The following IMPACT variants were observed in gnomAD, a reference collection of about 807,000 sequenced individuals.
IMPACT encodes protein IMPACT.
In IMPACT, 35 loss-of-function variants were observed where a neutral mutation model predicts 47.5. The ratio of observed to expected loss-of-function variants is 0.74; its 90% CI spans 0.56 to 0.98. IMPACT has a LOEUF of 0.98. IMPACT is among the 50% of genes least tolerant of loss of function. IMPACT has a pLI of 0.00. For missense variants in IMPACT, 373 were observed against 394.8 expected, an observed-to-expected ratio of 0.94 and a Z score of 0.47; for synonymous variants, 118 against 125.6, an observed-to-expected ratio of 0.94 and a Z score of 0.40.
At chr18:24,441,940 A>G (rs1191657998) in intron 6 of IMPACT, among the ~76,000 whole-genome samples, 1 of 152,228 alleles carries the variant, frequency 6.6e-6, no homozygotes, top group Non-Finnish European at 1.5e-5. Flanking sequence ...TCAGTAGTTC[A>G]TATTGACCCT....
intron 5 of IMPACT, among the ~76,000 whole-genome samples, chr18:24,438,632 A>G (rs1489800185): frequency 6.6e-6 from 1 of 152,150 alleles, no homozygotes; most frequent in Non-Finnish European, 1.5e-5. Flanking sequence ...ACTCCCAGCT[A>G]CTTTTAAAAT....
In IMPACT at chr18:24,453,499, T is replaced by G. The variant is rs1480984592; in HGVS notation, c.*2652T>G. On this transcript the variant is annotated 3_prime_UTR_variant, in exon 11 of 11. Transcript: ENST00000284202. ...ATATAGAAGTATATTGTTAACATTTTCCATGTCAATAAATATTCTTCTATG... is the reference window on the plus strand; with the variant it reads ...ATATAGAAGTATATTGTTAACATTTGCCATGTCAATAAATATTCTTCTATG... 6.7e-6 allele frequency: 1 copy of G among 149,798 alleles called. No individual in the cohort carries two copies. The highest frequency in any genetic ancestry group is 1.5e-5 in the Non-Finnish European group (1 of 66,732). 9.3% of individuals were successfully genotyped at this position (149,798 alleles called of 1,614,324 possible).
At chr18:24,434,995 G>T (rs1269281440) in intron 4 of IMPACT, among the ~76,000 whole-genome samples, 3 of 148,936 alleles carry the variant, frequency 2.0e-5, no homozygotes, top group Non-Finnish European at 4.5e-5. Flanking sequence ...TTTTTCTGAG[G>T]TGGGGTCTAT....
Position 24,453,348 on chromosome 18 carries a change from A to G in IMPACT, c.*2501A>G, listed in dbSNP as rs1218911002. ...CCACTATCCAGAGATAGCCATTATTATTAATATTTGGTATGTACATCCTTA... is the reference window on the plus strand; with the variant it reads ...CCACTATCCAGAGATAGCCATTATTGTTAATATTTGGTATGTACATCCTTA... On this transcript the variant is annotated 3_prime_UTR_variant, in exon 11 of 11. Coordinates refer to ENST00000284202, the MANE Select transcript of IMPACT (RefSeq NM_018439.4). 6.6e-6 allele frequency: 1 copy of G among 152,180 alleles called. No individual in the cohort carries two copies. Among genetic ancestry groups the G allele is most frequent in the East Asian group, 1.9e-4 (1 of 5,200 alleles). The allele number at this position is 152,180 out of a possible 1,614,324, so 9.4% of individuals were successfully genotyped here.
intron 4 of IMPACT, among the ~76,000 whole-genome samples, chr18:24,434,890 A>G (rs184138207): frequency 0.029 from 1,658 of 57,064 alleles, 11 homozygotes; most frequent in Non-Finnish European, 0.035. Flanking sequence ...ATGTGTATAT[A>G]TATGTGTATA....
At chr18:24,444,784 C>T (rs547323975) in intron 7 of IMPACT, among the ~76,000 whole-genome samples, 2 of 152,276 alleles carry the variant, frequency 1.3e-5, no homozygotes, top group African/African-American at 2.4e-5. Flanking sequence ...AATTACTTGT[C>T]GTTTATCTGA....
Position 24,440,603 on chromosome 18 carries a change from A to G in IMPACT, c.475A>G (p.Ser159Gly), listed in dbSNP as rs755077585. Residue 159 changes from serine (S) to glycine (G), a missense_variant, in exon 6 of 11, where the codon AGT (serine) becomes GGT (glycine). Transcript: ENST00000284202. ...GCTTAAAGCATTGGATTTTGATATCAGTGAAACTCGGACAGGTATAATGTT... is the reference window on the plus strand; with the variant it reads ...GCTTAAAGCATTGGATTTTGATATCGGTGAAACTCGGACAGGTATAATGTT... ...SSLKALDFDISETRTEVEVEE... is the reference protein window; with the variant it reads ...SSLKALDFDIGETRTEVEVEE... 27 of 1,613,100 alleles carry G rather than the reference A, an allele frequency of 1.7e-5. No homozygotes were observed. Among genetic ancestry groups the G allele is most frequent in the Non-Finnish European group, 2.2e-5 (26 of 1,179,518 alleles).
At chr18:24,428,489 G>A (rs1908669326) in intron 2 of IMPACT, among the ~76,000 whole-genome samples, 1 of 152,146 alleles carries the variant, frequency 6.6e-6, no homozygotes, top group African/African-American at 2.4e-5. Flanking sequence ...GTCAGCTATG[G>A]CTTTTCTTAG....
Position 24,437,986 on chromosome 18 carries a change from T to C in IMPACT, c.313T>C (p.Trp105Arg). 6.3e-7 allele frequency: 1 copy of C among 1,581,142 alleles called. No individual in the cohort carries two copies. Among genetic ancestry groups the C allele is most frequent in the Non-Finnish European group, 8.6e-7 (1 of 1,159,430 alleles). ...QNIGESILYL[W>R]VEKIRDVLIQ... is the part of the protein sequence containing the mutation. Reference sequence around the variant, plus strand: ...TATCGGTGAAAGTATTCTTTACCTGTGGGTGGAGAAAATAAGAGATGTTCT... The same window carrying C: ...TATCGGTGAAAGTATTCTTTACCTGCGGGTGGAGAAAATAAGAGATGTTCT... The change falls in exon 5 of 11, where the codon TGG becomes CGG. Residue 105 changes from tryptophan (W) to arginine (R), a missense_variant. Transcript: ENST00000284202.
rs758878349 is a variant in IMPACT at position 24,448,116 on chromosome 18, CCTT to C, written c.696_698del (p.Phe232del). On this transcript the variant is annotated inframe_deletion, in exon 9 of 11. Coordinates refer to ENST00000284202, the MANE Select transcript of IMPACT (RefSeq NM_018439.4). ...AGAATATATTGTGAGGATAAACAGACCTTCTTACAGGATTGTGAGGATGATGGG... is the reference window on the plus strand; with the variant it reads ...AGAATATATTGTGAGGATAAACAGACCTTACAGGATTGTGAGGATGATGGG... The C allele has an allele frequency of 8.7e-6, 14 of 1,612,244 alleles. No individual in the cohort carries two copies. The Admixed American group carries it at 1.2e-4, about 13-fold the overall frequency.
At position 24,427,018 on chromosome 18, in the gene IMPACT, G is replaced by A. The variant is rs1908627432; in HGVS notation, c.36+226G>A. 1.5e-5 allele frequency: 6 copies of A among 392,246 alleles called. No individual in the cohort carries two copies. The South Asian group carries it at 7.1e-4, about 47-fold the overall frequency. 24.3% of individuals were successfully genotyped at this position (392,246 alleles called of 1,614,324 possible). On this transcript the variant is annotated intron_variant, in intron 1 of 10. Coordinates refer to ENST00000284202, the MANE Select transcript of IMPACT (RefSeq NM_018439.4). ...CCGCGGTCTCGGCCTGTCTCGGACGGTGTCCTCGTCAACCATTAACACGCG... is the reference window on the plus strand; with the variant it reads ...CCGCGGTCTCGGCCTGTCTCGGACGATGTCCTCGTCAACCATTAACACGCG...
chr18:24,427,984 C>T lies in IMPACT; in HGVS notation c.102C>T (p.Ala34=). Residue 34 remains alanine (A), a synonymous_variant, in exon 2 of 11, where the codon GCC becomes GCT. Coordinates refer to ENST00000284202, the MANE Select transcript of IMPACT (RefSeq NM_018439.4). Reference sequence around the variant, plus strand: ...AGTGGTGTGTCATTGATGACTGTGCCAAAATATTTTGTATTAGAATTAGCG... The same window carrying T: ...AGTGGTGTGTCATTGATGACTGTGCTAAAATATTTTGTATTAGAATTAGCG... ...GEEWCVIDDC[A]KIFCIRISDD... 1.2e-6 allele frequency: 2 copies of T among 1,601,262 alleles called. No homozygotes were observed. Among genetic ancestry groups the T allele is most frequent in the South Asian group, 1.1e-5 (1 of 88,350 alleles).
chr18:24,442,044 A>G (rs1455502741), intron 6 of IMPACT, among the ~76,000 whole-genome samples: 1 of 152,218 alleles, frequency 6.6e-6, no homozygotes, highest in Non-Finnish European at 1.5e-5. Flanking sequence ...AACATCTTAC[A>G]TAAACCTACT....
intron 9 of IMPACT, among the ~76,000 whole-genome samples, chr18:24,448,639 T>C (rs1909305495): frequency 1.3e-5 from 2 of 152,228 alleles, no homozygotes; most frequent in Middle Eastern, 3.4e-3. Flanking sequence ...TTTGAAATTT[T>C]GTTTAGCAGC....
chr18:24,433,280 A>T (rs2144333979), intron 4 of IMPACT, among the ~76,000 whole-genome samples: 1 of 144,240 alleles, frequency 6.9e-6, no homozygotes, highest in African/African-American at 2.6e-5. Flanking sequence ...GCTCACTGCA[A>T]GCTCTGCCTC....
chr18:24,450,075 C>T, intron 10 of IMPACT, 122 bp downstream of exon 10: 1 of 1,036,504 alleles, frequency 9.6e-7, no homozygotes, highest in Non-Finnish European at 1.4e-6. Flanking sequence ...CCTTTGGACT[C>T]AGAACCTGGA....
intron 4 of IMPACT, among the ~76,000 whole-genome samples, chr18:24,435,163 T>A (rs1908893199): frequency 6.6e-6 from 1 of 151,904 alleles, no homozygotes; most frequent in African/African-American, 2.4e-5. Flanking sequence ...AAAGAAGGGG[T>A]CTTGCTACGT....
chr18:24,448,251 C>A, intron 9 of IMPACT, 68 bp downstream of exon 9: 1 of 935,920 alleles, frequency 1.1e-6, no homozygotes, highest in Non-Finnish European at 1.7e-6. Flanking sequence ...AAACAGAGCT[C>A]CATTTAGTAA....
At position 24,448,076 on chromosome 18, in the gene IMPACT, C is replaced by G. The variant is rs1334348375; in HGVS notation, c.669-17C>G. 2 of 1,480,632 alleles carry G rather than the reference C, an allele frequency of 1.4e-6. No individual in the cohort carries two copies. Among genetic ancestry groups the G allele is most frequent in the Admixed American group, 1.7e-5 (1 of 59,562 alleles). 91.7% of individuals were successfully genotyped at this position (1,480,632 alleles called of 1,614,324 possible). ...TATTTTAGTTTCAAAGTGTAATACT[C>G]TTACATGTATTTGCAGAATATATTG... is the stretch of plus-strand genomic sequence containing the variant. On this transcript the variant is annotated splice_polypyrimidine_tract_variant and intron_variant, in intron 8 of 10. Transcript: ENST00000284202.
Sources: allele counts gnomAD v4.1 joint callset (sites outside exome capture counted in the v4.1 genomes callset), GRCh38; gene constraint gnomAD v4.1.1; transcripts MANE v1.5; gene names NCBI Gene and HGNC (gene_info 2026-07-23, HGNC 2026-07-21).